Variants in ZNF540 observed in about 807,000 individuals in gnomAD.
ZNF540 encodes CTD-3064H18.6.
A neutral mutation model predicts 11.8 loss-of-function variants in ZNF540; 3 were observed. The ratio of observed to expected loss-of-function variants is 0.25; its 90% CI spans 0.12 to 0.65. The LOEUF is 0.65. Ranked by LOEUF, ZNF540 falls within the 30% of genes least tolerant of loss-of-function variation. The pLI is 0.83. For synonymous variants in ZNF540, 247 were observed against 259.0 expected (o/e 0.95, Z 0.45); for missense variants, 709 against 793.1 (o/e 0.89, Z 1.27).
At chr19:37,610,058 AT>A (rs1169295456) in intron 4 of ZNF540, among the ~76,000 whole-genome samples, 3 of 152,156 alleles carry the variant, frequency 2.0e-5, no homozygotes, top group Non-Finnish European at 4.4e-5. Context: ...CATTTTATAC[AT>A]TTGGTTGAAC....
chr19:37,597,955 A>G (rs1190061863), intron 1 of ZNF540, among the ~76,000 whole-genome samples: 1 of 152,208 alleles, frequency 6.6e-6, no homozygotes, highest in African/African-American at 2.4e-5. Flanking sequence ...AGTCTGTTCT[A>G]TCTTTCGTTT....
intron 1 of ZNF540, among the ~76,000 whole-genome samples, chr19:37,577,864 A>G (rs529613048): frequency 2.6e-5 from 4 of 152,316 alleles, no homozygotes; most frequent in African/African-American, 9.6e-5. Flanking sequence ...TAAGTGGATC[A>G]TCTAAAACAG....
chr19:37,570,206 T>C (rs2043004916), intron 1 of ZNF540, among the ~76,000 whole-genome samples: 1 of 152,224 alleles, frequency 6.6e-6, no homozygotes, highest in Admixed American at 6.5e-5. Context: ...CCTGGGTCCT[T>C]GGTCATCACT....
chr19:37,610,388 T>G (rs907255725), intron 4 of ZNF540, among the ~76,000 whole-genome samples: 2 of 151,940 alleles, frequency 1.3e-5, no homozygotes, highest in African/African-American at 4.8e-5. Context: ...GATCAGAAAA[T>G]CAACAAAAGA....
At chr19:37,588,043 T>G (rs1368256964) in intron 1 of ZNF540, among the ~76,000 whole-genome samples, 1 of 123,882 alleles carries the variant, frequency 8.1e-6, no homozygotes, top group East Asian at 2.6e-4. Context: ...GAGGTTGCAG[T>G]GACCCAAGAT....
chr19:37,556,628 A>C (rs2042662491), intron 1 of ZNF540, among the ~76,000 whole-genome samples: 1 of 152,176 alleles, frequency 6.6e-6, no homozygotes, highest in South Asian at 2.1e-4. Context: ...GGGTTCCTTG[A>C]ACAAGTGGCA....
chr19:37,565,067 T>G (rs755942909), intron 1 of ZNF540: 1 of 1,613,306 alleles, frequency 6.2e-7, no homozygotes, highest in East Asian at 2.2e-5. Context: ...AATAAAGGCC[T>G]TTCCACATTC....
intron 1 of ZNF540, chr19:37,565,588 T>G: frequency 6.2e-7 from 1 of 1,613,608 alleles, no homozygotes; most frequent in Non-Finnish European, 8.5e-7. Context: ...AATCCTTACA[T>G]TCATAGGGTT....
At chr19:37,603,317 G>T (rs1246796546) in intron 4 of ZNF540, among the ~76,000 whole-genome samples, 2 of 152,100 alleles carry the variant, frequency 1.3e-5, no homozygotes, top group Non-Finnish European at 2.9e-5. Flanking sequence ...ATTTCAAGAT[G>T]TGAGATTTTA....
chr19:37,565,445 ACT>A (rs770151784), intron 1 of ZNF540: 22 of 1,612,540 alleles, frequency 1.4e-5, no homozygotes, highest in Middle Eastern at 3.3e-4. Flanking sequence ...ACCAGTATGA[ACT>A]CTCTGATGGT....
At chr19:37,554,850 G>A (rs770052518) in intron 1 of ZNF540, 1 of 152,082 alleles carries the variant, frequency 6.6e-6, no homozygotes, top group Non-Finnish European at 1.5e-5. Flanking sequence ...CTCTCGGCCC[G>A]AAGAAGGGGC....
At chr19:37,592,972 T>C (rs868238724), upstream of ZNF540, among the ~76,000 whole-genome samples, 1 of 152,248 alleles carries the variant, frequency 6.6e-6, no homozygotes, top group African/African-American at 2.4e-5. Context: ...GTGTGGACTC[T>C]ATCTGGATCC....
At position 37,612,903 on chromosome 19, in the gene ZNF540, T is replaced by C. The variant is rs768561955; in HGVS notation, c.1623T>C (p.His541=). 1 of 1,614,096 alleles carries C rather than the reference T, an allele frequency of 6.2e-7. No homozygotes were observed. Among genetic ancestry groups the C allele is most frequent in the South Asian group, 1.1e-5 (1 of 91,084 alleles). ...AFIRRGNLKE[H]LKIHSGLKPY... is the part of the protein sequence containing the mutation. ...TTCGTAGAGGGAATCTTAAAGAACA[T>C]CTGAAAATTCATTCTGGTTTAAAAC... The change falls in exon 5 of 5, where the codon CAT becomes CAC. Residue 541 remains histidine, a synonymous_variant. Coordinates refer to ENST00000316433, the MANE Select transcript of ZNF540 (RefSeq NM_001172225.3).
At chr19:37,586,595 C>T in intron 1 of ZNF540, 1 of 1,575,804 alleles carries the variant, frequency 6.3e-7, no homozygotes, top group Non-Finnish European at 8.7e-7. Context: ...GCAGGAAATT[C>T]TGGGATAAAT....
At chr19:37,564,843 G>A (rs1600452748) in intron 1 of ZNF540, 2 of 1,613,962 alleles carry the variant, frequency 1.2e-6, no homozygotes. Flanking sequence ...CATTCATAAG[G>A]TTTTTCACCT....
intron 1 of ZNF540, among the ~76,000 whole-genome samples, chr19:37,572,747 A>G (rs1168999386): frequency 4.6e-5 from 7 of 152,222 alleles, no homozygotes; most frequent in Admixed American, 4.6e-4. Context: ...AATTGGTGCA[A>G]CTTCAAATAA....
chr19:37,599,765 A>T lies in ZNF540; in HGVS notation c.136+13A>T. The T allele has an allele frequency of 6.3e-7, 1 of 1,579,374 alleles. No individual in the cohort carries two copies. The highest frequency in any genetic ancestry group is 1.2e-5 in the South Asian group (1 of 86,050). ...TTGGTCTCACTGGGTAAGGTCACCT[A>T]TGTCAAATAATGTAGACTCTGTTAT... On this transcript the variant is annotated intron_variant, in intron 3 of 4. Transcript: ENST00000316433.
intron 1 of ZNF540, chr19:37,583,975 T>C (rs780430763): frequency 1.9e-6 from 3 of 1,598,566 alleles, no homozygotes; most frequent in Non-Finnish European, 2.6e-6. Context: ...TCTTACCCAA[T>C]GAGATCAGGT....
At position 37,613,833 on chromosome 19, in the gene ZNF540, G is replaced by A. The variant is rs979987385; in HGVS notation, c.*570G>A. The A allele has an allele frequency of 1.1e-4, 43 of 398,428 alleles. No homozygotes were observed. Among genetic ancestry groups the A allele is most frequent in the Non-Finnish European group, 1.9e-4 (42 of 226,064 alleles). 24.7% of individuals were successfully genotyped at this position (398,428 alleles called of 1,614,324 possible). ...CGTAACAATTCCTATGTTGAAACAC[G>A]AATCCCAAGGTGATGGTATTTGAAG... is the stretch of plus-strand genomic sequence containing the variant. On this transcript the variant is annotated 3_prime_UTR_variant, in exon 5 of 5. Transcript: ENST00000316433.
Sources: allele counts gnomAD v4.1 joint callset (sites outside exome capture counted in the v4.1 genomes callset), GRCh38; gene constraint gnomAD v4.1.1; transcripts MANE v1.5; gene names NCBI Gene and HGNC (gene_info 2026-07-23, HGNC 2026-07-21).